Variants in PTPRK observed in about 807,000 individuals in gnomAD.
PTPRK encodes the protein protein tyrosine phosphatase receptor type K.
Under a neutral mutation model 178.0 loss-of-function variants are expected in PTPRK, and 75 were observed. That is an observed-to-expected ratio of 0.42 (90% CI 0.35 to 0.51). The LOEUF (loss-of-function observed/expected upper bound fraction) is 0.51, where lower values mean the gene tolerates loss of function less well. PTPRK is among the 20% of genes least tolerant of loss of function. The pLI is 0.02. For missense variants in PTPRK, 1,441 were observed against 1,797.8 expected, an observed-to-expected ratio of 0.80 and a Z score of 3.59; for synonymous variants, 637 against 620.6, an observed-to-expected ratio of 1.03 and a Z score of -0.39.
Position 128,082,558 on chromosome 6 carries a change from G to C in PTPRK, c.1656C>G (p.Asn552Lys). ...GATGCATAAAGACATGGTGTGTACT[G>C]TTCCATAAATTTGATACAGTCTGGG... ...GPPQTVSNLWNSTHHVFMHLH... is the reference protein window; with the variant it reads ...GPPQTVSNLWKSTHHVFMHLH... Residue 552 changes from asparagine (N) to lysine (K), a missense_variant, in exon 10 of 30, where the codon AAC (asparagine) becomes AAG (lysine). Around this residue, in one of 4 missense-constraint regions of PTPRK, gnomAD observed 945 missense variants for 1,080.6 expected, o/e 0.87. Coordinates refer to ENST00000368226, the MANE Select transcript of PTPRK (RefSeq NM_002844.4). 1.2e-6 allele frequency: 2 copies of C among 1,612,422 alleles called. No homozygotes were observed. The highest frequency in any genetic ancestry group is 8.5e-7 in the Non-Finnish European group (1 of 1,178,648).
chr6:127,978,692 T>C (rs1018465673), intron 25 of PTPRK, among the ~76,000 whole-genome samples: 2 of 152,194 alleles, frequency 1.3e-5, no homozygotes, highest in African/African-American at 2.4e-5. Context: ...TACTCATTTT[T>C]TGAGCCACAG....
At chr6:128,023,450 G>T (rs1773826421) in intron 13 of PTPRK, among the ~76,000 whole-genome samples, 1 of 152,006 alleles carries the variant, frequency 6.6e-6, no homozygotes, top group Non-Finnish European at 1.5e-5. Context: ...TTCTGCCCTG[G>T]AGCTGGTGTT....
intron 13 of PTPRK, among the ~76,000 whole-genome samples, chr6:128,056,848 T>A (rs1183317821): frequency 1.2e-4 from 18 of 152,198 alleles, no homozygotes; most frequent in Non-Finnish European, 1.5e-5. Context: ...TAAACATAAT[T>A]TTTAGGATTG....
Position 128,233,712 on chromosome 6 carries a change from C to T in PTPRK, c.693+6323G>A, listed in dbSNP as rs573811110. On this transcript the variant is annotated intron_variant, in intron 5 of 29. Transcript: ENST00000368226. ...CAGGCCCACGGAGGAGGCACAGTGC[C>T]AGCACCTGCGGCGATTACTGACAGA... Among the ~76,000 whole-genome samples, 4 of 152,316 alleles carry T rather than the reference C, an allele frequency of 2.6e-5. No individual in the cohort carries two copies. The East Asian group carries it at 7.7e-4, about 29-fold the overall frequency.
chr6:128,109,992 A>C (rs1790378972), intron 7 of PTPRK, among the ~76,000 whole-genome samples: 1 of 152,134 alleles, frequency 6.6e-6, no homozygotes, highest in African/African-American at 2.4e-5. Context: ...CTTAATCTGG[A>C]AATACTGGGC....
chr6:128,140,394 G>C (rs952816883), intron 7 of PTPRK, among the ~76,000 whole-genome samples: 4 of 151,828 alleles, frequency 2.6e-5, no homozygotes, highest in African/African-American at 9.7e-5. Context: ...CTCAAGGAAT[G>C]CTTTTTAGTA....
intron 2 of PTPRK, among the ~76,000 whole-genome samples, chr6:128,325,379 G>A (rs1267195057): frequency 6.6e-6 from 1 of 152,004 alleles, no homozygotes; most frequent in Non-Finnish European, 1.5e-5. Flanking sequence ...CCATCAGAGT[G>A]AACAGGCAAA....
chr6:128,056,272 G>A (rs185583735), intron 13 of PTPRK, among the ~76,000 whole-genome samples: 1 of 151,846 alleles, frequency 6.6e-6, no homozygotes, highest in African/African-American at 2.4e-5. Flanking sequence ...TTTTTAAGGG[G>A]CCTAAGGTCA....
At chr6:128,330,239 G>A (rs1584196144) in intron 2 of PTPRK, among the ~76,000 whole-genome samples, 1 of 152,250 alleles carries the variant, frequency 6.6e-6, no homozygotes, top group South Asian at 2.1e-4. Flanking sequence ...GCCCATCGGG[G>A]ATATTTTTTT....
chr6:128,306,616 A>G (rs1826418721), intron 3 of PTPRK, among the ~76,000 whole-genome samples: 1 of 152,080 alleles, frequency 6.6e-6, no homozygotes. Flanking sequence ...CAACATAGGC[A>G]GACAGCATCT....
At chr6:128,129,061 C>A (rs1583139706) in intron 7 of PTPRK, among the ~76,000 whole-genome samples, 1 of 152,294 alleles carries the variant, frequency 6.6e-6, no homozygotes, top group Middle Eastern at 3.4e-3. Flanking sequence ...TTATGTGAAC[C>A]ACGATTTGTA....
intron 5 of PTPRK, chr6:128,232,208 A>G (rs1179418031): frequency 6.6e-6 from 1 of 152,264 alleles, no homozygotes; most frequent in East Asian, 1.9e-4. Context: ...AGTAGTAACC[A>G]TGCCCACTTT....
chr6:128,510,761 C>T (rs925797039), intron 1 of PTPRK, among the ~76,000 whole-genome samples: 2 of 151,910 alleles, frequency 1.3e-5, no homozygotes, highest in African/African-American at 4.8e-5. Flanking sequence ...ATCACTAAGT[C>T]AGGTTTATAT....
intron 2 of PTPRK, among the ~76,000 whole-genome samples, chr6:128,366,585 G>T (rs1835520461): frequency 1.3e-5 from 2 of 152,076 alleles, no homozygotes; most frequent in South Asian, 4.1e-4. Flanking sequence ...TTTTATGGCT[G>T]AGTAAATAAA....
chr6:128,090,050 A>C (rs1426460574), intron 7 of PTPRK, 58 bp from the exon 8 acceptor site: 2 of 1,331,678 alleles, frequency 1.5e-6, no homozygotes, highest in African/African-American at 1.5e-5. Flanking sequence ...TAATCCTGGA[A>C]AAATAAAACA....
At chr6:128,199,741 T>C (rs1805574936) in intron 6 of PTPRK, among the ~76,000 whole-genome samples, 1 of 152,194 alleles carries the variant, frequency 6.6e-6, no homozygotes, top group Non-Finnish European at 1.5e-5. Flanking sequence ...CCAGCATGTA[T>C]GGCAAAATCT....
At chr6:128,491,393 C>A (rs1341600) in intron 1 of PTPRK, among the ~76,000 whole-genome samples, 1 of 152,122 alleles carries the variant, frequency 6.6e-6, no homozygotes, top group Non-Finnish European at 1.5e-5. Flanking sequence ...AGGAGCAAAA[C>A]CAATAGATAG....
At chr6:128,380,790 G>C (rs553290293) in intron 2 of PTPRK, among the ~76,000 whole-genome samples, 1 of 152,224 alleles carries the variant, frequency 6.6e-6, no homozygotes, top group East Asian at 1.9e-4. Context: ...CAACCTATCA[G>C]ATTTCTCATT....
intron 1 of PTPRK, among the ~76,000 whole-genome samples, chr6:128,511,233 C>T (rs1436018743): frequency 6.6e-6 from 1 of 152,152 alleles, no homozygotes; most frequent in East Asian, 1.9e-4. Context: ...CCACGCTTTC[C>T]CACTTAGAGA....
Sources: gnomAD v4.1 joint callset for allele counts (sites outside exome capture counted in the v4.1 genomes callset) on GRCh38, gnomAD v4.1.1 for gene constraint, gnomAD v4.1.1 regional missense constraint, MANE v1.5 for transcripts, NCBI Gene and HGNC (gene_info 2026-07-23, HGNC 2026-07-21) for gene names.